The following TXNRD2 variants were observed in gnomAD, a reference collection of about 807,000 sequenced individuals.
TXNRD2 encodes the protein thioredoxin reductase 2, also known as thioredoxin reductase 2, mitochondrial.
A neutral mutation model predicts 70.8 loss-of-function variants in TXNRD2; 67 were observed. That is an observed-to-expected ratio of 0.95 (90% CI 0.78 to 1.16). The LOEUF (loss-of-function observed/expected upper bound fraction) is 1.16. Ranked by LOEUF, TXNRD2 falls within the 50% of genes most tolerant of loss-of-function variation. The pLI is 0.00. For missense variants in TXNRD2, 644 were observed against 719.9 expected (o/e 0.89, Z 1.21); for synonymous variants, 301 against 295.8 (o/e 1.02, Z -0.18).
chr22:19,883,346 G>A lies in TXNRD2; in HGVS notation c.1065C>T (p.Tyr355=), dbSNP rs377072227. The part of the protein sequence containing the change: ...SREATSVPHI[Y]AIGDVVEGRP... ...GTACCTCCACCACGTCACCAATGGC[G>A]TAGATGTGGGGCACAGAGGTGGCTT... The change falls in exon 12 of 18, where the codon TAC becomes TAT. Residue 355 remains tyrosine (Y), a synonymous_variant. Transcript: ENST00000400521. The A allele has an allele frequency of 7.4e-6, 12 of 1,613,846 alleles. No individual in the cohort carries two copies. Among genetic ancestry groups the A allele is most frequent in the Middle Eastern group, 3.3e-4 (2 of 6,036 alleles).
chr22:19,902,607 C>T (rs1014346390), intron 8 of TXNRD2, among the ~76,000 whole-genome samples: 1 of 152,188 alleles, frequency 6.6e-6, no homozygotes, highest in African/African-American at 2.4e-5. Flanking sequence ...TGGCTGGAAC[C>T]CCGCCGCCCC....
intron 2 of TXNRD2, among the ~76,000 whole-genome samples, chr22:19,925,393 G>T (rs577675984): frequency 6.6e-6 from 1 of 151,990 alleles, no homozygotes; most frequent in African/African-American, 2.4e-5. Context: ...CATATTACAA[G>T]AAATGCTAAA....
chr22:19,896,246 C>T (rs1448316235), intron 10 of TXNRD2, among the ~76,000 whole-genome samples: 5 of 139,946 alleles, frequency 3.6e-5, no homozygotes, highest in African/African-American at 1.4e-4. Context: ...TGCAGTGAGC[C>T]GAGATTGTGC....
chr22:19,916,444 C>T (rs1290530994), intron 5 of TXNRD2: 1 of 155,896 alleles, frequency 6.4e-6, no homozygotes, highest in Non-Finnish European at 1.4e-5. Context: ...ATTCTCTTGC[C>T]TCAGCTCTTG....
At chr22:19,922,173 A>C (rs1940942755) in intron 2 of TXNRD2, among the ~76,000 whole-genome samples, 1 of 152,260 alleles carries the variant, frequency 6.6e-6, no homozygotes, top group Non-Finnish European at 1.5e-5. Flanking sequence ...AAAAAAAATC[A>C]GTCAATGGAG....
intron 8 of TXNRD2, among the ~76,000 whole-genome samples, chr22:19,907,063 T>C (rs1940062109): frequency 1.2e-5 from 1 of 85,532 alleles, no homozygotes; most frequent in African/African-American, 4.7e-5. Context: ...GTGGGCGCCG[T>C]GGATAGCAGT....
intron 8 of TXNRD2, 34 bp from the exon 9 acceptor site, chr22:19,899,102 G>C (rs968676212): frequency 7.5e-6 from 12 of 1,606,700 alleles, no homozygotes; most frequent in Non-Finnish European, 1.0e-5. Flanking sequence ...CACATGTAAA[G>C]CTGAGGCCCT....
chr22:19,938,748 C>T (rs1383533807), intron 1 of TXNRD2, among the ~76,000 whole-genome samples: 3 of 152,118 alleles, frequency 2.0e-5, no homozygotes, highest in Admixed American at 1.3e-4. Context: ...TACAGTGCTC[C>T]CAGTCAACAT....
chr22:19,907,293 GCGCCGTGGA>G (rs1940089043), intron 8 of TXNRD2, among the ~76,000 whole-genome samples: 2 of 45,092 alleles, frequency 4.4e-5, no homozygotes, highest in African/African-American at 9.7e-5. Flanking sequence ...GAGGGTGTGG[GCGCCGTGGA>G]TAGCAGTGAC....
intron 1 of TXNRD2, chr22:19,932,339 G>T (rs372599825): frequency 6.2e-7 from 1 of 1,612,650 alleles, no homozygotes; most frequent in African/African-American, 1.3e-5. Flanking sequence ...TTTTGGGCTG[G>T]TTGTGGTGTC....
chr22:19,914,604 T>C (rs910589146), intron 7 of TXNRD2, among the ~76,000 whole-genome samples: 5 of 152,122 alleles, frequency 3.3e-5, no homozygotes, highest in African/African-American at 9.7e-5. Context: ...GTCACATTCA[T>C]AGAGACAGAA....
intron 8 of TXNRD2, among the ~76,000 whole-genome samples, chr22:19,908,386 TA>T (rs1638511337): frequency 6.6e-6 from 1 of 151,960 alleles, no homozygotes; most frequent in Admixed American, 6.6e-5. Context: ...TTGTAAAGCG[TA>T]TAAGACCACC....
chr22:19,920,535 A>C (rs1169385072), intron 2 of TXNRD2, among the ~76,000 whole-genome samples: 1 of 152,066 alleles, frequency 6.6e-6, no homozygotes, highest in Non-Finnish European at 1.5e-5. Context: ...GTGAGCAGAG[A>C]TCACACCACT....
chr22:19,920,093 C>T (rs890567698), intron 2 of TXNRD2, among the ~76,000 whole-genome samples: 2 of 152,224 alleles, frequency 1.3e-5, no homozygotes, highest in Admixed American at 6.5e-5. Context: ...GGTGGGCATT[C>T]GCTGCCTCAC....
Position 19,898,919 on chromosome 22 carries a change from C to T in TXNRD2, c.682+130G>A, listed in dbSNP as rs190286012. Reference sequence around the variant, plus strand: ...GTCCCCAGGCACAGTAGATCCTCCACGCCGAGAGGCCCAGTAAGTGCCGAT... The same window carrying T: ...GTCCCCAGGCACAGTAGATCCTCCATGCCGAGAGGCCCAGTAAGTGCCGAT... On this transcript the variant is annotated intron_variant, in intron 9 of 17. Coordinates refer to ENST00000400521, the MANE Select transcript of TXNRD2 (RefSeq NM_006440.5). 7.1e-5 allele frequency: 84 copies of T among 1,176,480 alleles called. 2 individuals are homozygous for T. The highest frequency in any genetic ancestry group is 4.7e-4 in the African/African-American group (31 of 66,608). The allele number at this position is 1,176,480 out of a possible 1,614,324, so 72.9% of individuals were successfully genotyped here. A position where few individuals can be genotyped will look rare whatever the true frequency, so the allele number is the denominator to read the frequency against.
At position 19,880,335 on chromosome 22, in the gene TXNRD2, T is replaced by G. The variant is rs143090636; in HGVS notation, c.1183-64A>C. The G allele has an allele frequency of 2.5e-4, 385 of 1,511,108 alleles. No homozygotes were observed. The African/African-American group carries it at 4.8e-3, about 19-fold the overall frequency. The allele number at this position is 1,511,108 out of a possible 1,614,324, so 93.6% of individuals were successfully genotyped here. A position where few individuals can be genotyped will look rare whatever the true frequency, so the allele number is the denominator to read the frequency against. ...CCGAAAACCGAAGTTCCCCACTGCATGTGACACAAAGAGCAGCGATCACAG... is the reference window on the plus strand; with the variant it reads ...CCGAAAACCGAAGTTCCCCACTGCAGGTGACACAAAGAGCAGCGATCACAG... On this transcript the variant is annotated intron_variant, in intron 13 of 17. Coordinates refer to ENST00000400521, the MANE Select transcript of TXNRD2 (RefSeq NM_006440.5).
chr22:19,923,942 A>G (rs1423369219), intron 2 of TXNRD2, among the ~76,000 whole-genome samples: 2 of 147,634 alleles, frequency 1.4e-5, no homozygotes, highest in East Asian at 2.0e-4. Flanking sequence ...TTGTGGGTCC[A>G]ACTGCAGGCC....
chr22:19,920,904 C>T (rs1321650286), intron 2 of TXNRD2, among the ~76,000 whole-genome samples: 3 of 152,144 alleles, frequency 2.0e-5, no homozygotes, highest in Non-Finnish European at 4.4e-5. Context: ...AGATCGAGAA[C>T]ATCCTGGCTA....
intron 8 of TXNRD2, among the ~76,000 whole-genome samples, chr22:19,907,886 G>GCA (rs1940135438): frequency 2.0e-5 from 1 of 49,446 alleles, no homozygotes; most frequent in African/African-American, 9.2e-5. Context: ...GAGTGTGGGC[G>GCA]CCGTGGGTAG....
Sources: gnomAD v4.1 joint callset for allele counts (sites outside exome capture counted in the v4.1 genomes callset) on GRCh38, gnomAD v4.1.1 for gene constraint, MANE v1.5 for transcripts, NCBI Gene and HGNC (gene_info 2026-07-23, HGNC 2026-07-21) for gene names.